Variants in RBM17 observed in about 807,000 individuals in gnomAD.
RBM17 encodes splicing factor 45.
RBM17 carries 7 observed loss-of-function variants against 53.2 expected under a neutral mutation model. The ratio of observed to expected loss-of-function variants is 0.13; its 90% CI spans 0.07 to 0.25. RBM17 has a LOEUF of 0.25. Ranked by LOEUF, RBM17 falls within the 10% of genes least tolerant of loss-of-function variation. The pLI is 1.00. For synonymous variants in RBM17, 167 were observed against 178.1 expected, an observed-to-expected ratio of 0.94 and a Z score of 0.50; for missense variants, 257 against 496.7, an observed-to-expected ratio of 0.52 and a Z score of 4.59.
chr10:6,097,293 T>A, intron 2 of RBM17, 105 bp downstream of exon 2: 1 of 1,155,000 alleles, frequency 8.7e-7, no homozygotes, highest in Non-Finnish European at 1.3e-6. Flanking sequence ...TTGTATTGGG[T>A]AAATGGTGTT....
chr10:6,108,986 C>G (rs1216431073), intron 6 of RBM17, among the ~76,000 whole-genome samples: 15 of 152,196 alleles, frequency 9.9e-5, no homozygotes, highest in African/African-American at 3.6e-4. Flanking sequence ...CTTTTTTATG[C>G]AATTCACTTT....
chr10:6,105,917 C>T (rs1019968569), intron 4 of RBM17, among the ~76,000 whole-genome samples: 1 of 151,888 alleles, frequency 6.6e-6, no homozygotes, highest in Non-Finnish European at 1.5e-5. Context: ...TGGTTGCTCT[C>T]GTATACTTAT....
intron 1 of RBM17, among the ~76,000 whole-genome samples, chr10:6,091,139 A>G (rs965979653): frequency 1.3e-5 from 2 of 151,440 alleles, no homozygotes; most frequent in African/African-American, 4.9e-5. Flanking sequence ...GCTCACTGCA[A>G]CCTCCACTTC....
intron 9 of RBM17, among the ~76,000 whole-genome samples, 173 bp downstream of exon 9, chr10:6,113,754 T>G (rs1840872470): frequency 6.6e-6 from 1 of 152,252 alleles, no homozygotes; most frequent in Admixed American, 6.5e-5. Flanking sequence ...TAAGTCTCTT[T>G]GCTAAGTACA....
chr10:6,102,094 A>G (rs1355675873), intron 3 of RBM17, among the ~76,000 whole-genome samples: 2 of 152,266 alleles, frequency 1.3e-5, no homozygotes, highest in African/African-American at 2.4e-5. Context: ...AGTTAAAATT[A>G]TACCCACAAT....
chr10:6,111,329 C>G (rs1283176408), intron 7 of RBM17, among the ~76,000 whole-genome samples: 1 of 152,186 alleles, frequency 6.6e-6, no homozygotes, highest in African/African-American at 2.4e-5. Context: ...CTACCATTAA[C>G]AGCTGTACAA....
At position 6,117,204 on chromosome 10, in the gene RBM17, CTACTTGA is replaced by C. The variant is rs1181072885; in HGVS notation, c.*1650_*1656del. On this transcript the variant is annotated 3_prime_UTR_variant, in exon 12 of 12. Transcript: ENST00000379888. ...ACCAGAGAGTTGCAACCAACTCATA[CTACTTGA>C]TTTCCGTTCGCATGAGGACAGCTTG... 6.6e-4 allele frequency: 100 copies of C among 152,448 alleles called. No homozygotes were observed. The highest frequency in any genetic ancestry group is 2.4e-3 in the African/African-American group (99 of 41,568). 9.4% of individuals were successfully genotyped at this position (152,448 alleles called of 1,614,324 possible). A position where few individuals can be genotyped will look rare whatever the true frequency, so the allele number is the denominator to read the frequency against.
intron 5 of RBM17, 134 bp downstream of exon 5, chr10:6,106,372 C>A: frequency 1.6e-6 from 1 of 631,142 alleles, no homozygotes; most frequent in East Asian, 2.8e-5. Flanking sequence ...GGAATCCCAG[C>A]AATACACATT....
At chr10:6,104,193 G>A (rs1156591965) in intron 3 of RBM17, among the ~76,000 whole-genome samples, 1 of 152,200 alleles carries the variant, frequency 6.6e-6, no homozygotes, top group Non-Finnish European at 1.5e-5. Context: ...GTATTTCCTA[G>A]TATACTGGCT....
At chr10:6,094,026 A>G (rs542508336) in intron 1 of RBM17, among the ~76,000 whole-genome samples, 14 of 138,678 alleles carry the variant, frequency 1.0e-4, no homozygotes, top group Admixed American at 9.8e-4. Flanking sequence ...ACAGGCTGGA[A>G]TGCAGTGGTG....
At chr10:6,107,027 G>A (rs541009145) in intron 5 of RBM17, among the ~76,000 whole-genome samples, 1 of 152,318 alleles carries the variant, frequency 6.6e-6, no homozygotes, top group Admixed American at 6.5e-5. Context: ...GACAAGGTTA[G>A]TAAAATGATC....
At chr10:6,108,623 C>G in intron 5 of RBM17, 63 bp from the exon 6 acceptor site, 1 of 1,327,178 alleles carries the variant, frequency 7.5e-7, no homozygotes, top group Non-Finnish European at 1.1e-6. Context: ...TATGGTGTGT[C>G]ATAGTCGTTT....
intron 7 of RBM17, among the ~76,000 whole-genome samples, chr10:6,110,977 T>C (rs996475477): frequency 1.3e-5 from 2 of 152,184 alleles, no homozygotes; most frequent in African/African-American, 4.8e-5. Context: ...TTGTTTTCCC[T>C]GTTTATGATA....
intron 1 of RBM17, among the ~76,000 whole-genome samples, chr10:6,096,717 A>C (rs1840581896): frequency 6.6e-6 from 1 of 152,224 alleles, no homozygotes; most frequent in Admixed American, 6.5e-5. Context: ...TGACATAAAT[A>C]GAATTTTTTA....
At chr10:6,092,071 A>C (rs1193993184) in intron 1 of RBM17, among the ~76,000 whole-genome samples, 1 of 152,224 alleles carries the variant, frequency 6.6e-6, no homozygotes, top group African/African-American at 2.4e-5. Context: ...CTAAGAAAAA[A>C]TGTAGCATAT....
intron 3 of RBM17, among the ~76,000 whole-genome samples, chr10:6,103,973 A>G (rs929541369): frequency 2.6e-5 from 4 of 152,256 alleles, no homozygotes; most frequent in African/African-American, 9.6e-5. Context: ...GTTTTAAAAA[A>G]AATGGGGACA....
intron 1 of RBM17, among the ~76,000 whole-genome samples, chr10:6,091,347 C>G (rs1441947515): frequency 6.6e-6 from 1 of 152,302 alleles, no homozygotes; most frequent in East Asian, 1.9e-4. Flanking sequence ...GCGTGAGCCA[C>G]TGGGCCCGGT....
At position 6,116,708 on chromosome 10, in the gene RBM17, AT is replaced by A. The variant is rs1335597298; in HGVS notation, c.*1153del. The A allele has an allele frequency of 1.3e-5, 2 of 152,504 alleles. No homozygotes were observed. The highest frequency in any genetic ancestry group is 3.8e-4 in the East Asian group (2 of 5,330). 9.4% of individuals were successfully genotyped at this position (152,504 alleles called of 1,614,324 possible). A position where few individuals can be genotyped will look rare whatever the true frequency, so the allele number is the denominator to read the frequency against. On this transcript the variant is annotated 3_prime_UTR_variant, in exon 12 of 12. Transcript: ENST00000379888. ...TTTGGTTATTATGACATGAAAGTGT[AT>A]CAAGAACTCAGCATTTCTTTGCATC...
intron 6 of RBM17, 74 bp from the exon 7 acceptor site, chr10:6,109,912 A>G: frequency 8.1e-7 from 1 of 1,229,618 alleles, no homozygotes; most frequent in Non-Finnish European, 1.1e-6. Context: ...TTCAAGATAA[A>G]TAATTGATAC....
Sources: allele counts gnomAD v4.1 joint callset (sites outside exome capture counted in the v4.1 genomes callset), GRCh38; gene constraint gnomAD v4.1.1; transcripts MANE v1.5; gene names NCBI Gene and HGNC (gene_info 2026-07-23, HGNC 2026-07-21).